The following AMER2 variants were observed in gnomAD, a reference collection of about 807,000 sequenced individuals.
AMER2 encodes the protein family with sequence similarity 123A.
AMER2 carries 1 observed loss-of-function variant against 4.7 expected under a neutral mutation model. The ratio of observed to expected loss-of-function variants is 0.21; its 90% CI spans 0.07 to 1.00. The LOEUF (loss-of-function observed/expected upper bound fraction) is 1.00. AMER2 is among the 50% of genes least tolerant of loss of function. The probability of loss-of-function intolerance (pLI) is 0.60; values close to 1 mark genes in which losing one functional copy is unlikely to be tolerated. For missense variants in AMER2, 988 were observed against 966.9 expected (o/e 1.02, Z -0.29); for synonymous variants, 485 against 433.3 (o/e 1.12, Z -1.48).
rs746051605 is a variant in AMER2, at chr13:25,170,226, T to G, written c.1394A>C (p.Glu465Ala). Residue 465 changes from glutamate (E) to alanine (A), a missense_variant, in exon 1 of 1, where the codon GAA (glutamate) becomes GCA (alanine). Transcript: ENST00000515384. The surrounding 1 kb of genome is among the most constrained non-coding windows in gnomAD (Gnocchi z 7.3). ...GGGGGTCTCGGGCACCACCTTGGTT[T>G]CCAGCGCAGCTGCCACCTTAGCCGC... ...EGAAKVAAAL[E>A]TKVVPETPKD... 1 of 1,612,488 alleles carries G rather than the reference T, an allele frequency of 6.2e-7. No homozygotes were observed. The highest frequency in any genetic ancestry group is 8.5e-7 in the Non-Finnish European group (1 of 1,179,212).
In AMER2 at chr13:25,170,945, G is replaced by T. The variant is rs866334746; in HGVS notation, c.675C>A (p.Ile225=). The change falls in exon 1 of 1, where the codon ATC becomes ATA. Residue 225 remains isoleucine, a synonymous_variant. Transcript: ENST00000515384. This position sits in a 1 kb window ranked among gnomAD's most constrained non-coding sequence, Gnocchi z 7.3. ...GGCTGGCGGTGAGCGAGCCGGGTAG[G>T]ATCAAGCCGCCCCCGGGCGCGCGCC... ...AEGRAPGGGL[I]LPGSLTASLE... is the part of the protein sequence containing the mutation. 1 of 1,529,084 alleles carries T rather than the reference G, an allele frequency of 6.5e-7. No individual in the cohort carries two copies. Among genetic ancestry groups the T allele is most frequent in the Middle Eastern group, 1.8e-4 (1 of 5,472 alleles). The allele number at this position is 1,529,084 out of a possible 1,614,324, so 94.7% of individuals were successfully genotyped here.
At position 25,168,327 on chromosome 13, in the gene AMER2, T is replaced by C. The variant is rs1386249271; in HGVS notation, c.*1277A>G. The C allele has an allele frequency of 6.6e-6, 1 of 152,164 alleles. No individual in the cohort carries two copies. Among genetic ancestry groups the C allele is most frequent in the Non-Finnish European group, 1.5e-5 (1 of 68,024 alleles). 9.4% of individuals were successfully genotyped at this position (152,164 alleles called of 1,614,324 possible). ...ATAAGTCTATAAAGCAAAAGGCAAA[T>C]GATGTGAAAAACTGTATCTTTCTAT... On this transcript the variant is annotated 3_prime_UTR_variant, in exon 1 of 1. Transcript: ENST00000515384.
At position 25,162,684 on chromosome 13, in the gene AMER2, G is replaced by A. The variant is rs1956422730; in HGVS notation, c.*6920C>T. ...GTATTTCTGCCTTAGTTTGTTAAAT[G>A]ATTCAGGTCTGAGAGTATCTGAGAA... On this transcript the variant is annotated 3_prime_UTR_variant, in exon 1 of 1. Transcript: ENST00000515384. 2 of 152,210 alleles carry A rather than the reference G, an allele frequency of 1.3e-5. No homozygotes were observed. Among genetic ancestry groups the A allele is most frequent in the Non-Finnish European group, 2.9e-5 (2 of 68,036 alleles). The allele number at this position is 152,210 out of a possible 1,614,324, so 9.4% of individuals were successfully genotyped here.
At position 25,169,841 on chromosome 13, in the gene AMER2, G is replaced by A. The variant is rs1453884793; in HGVS notation, c.1779C>T (p.Thr593=). 8 of 1,614,028 alleles carry A rather than the reference G, an allele frequency of 5.0e-6. No individual in the cohort carries two copies. Among genetic ancestry groups the A allele is most frequent in the Non-Finnish European group, 6.8e-6 (8 of 1,180,000 alleles). ...AGCTGCCTGGTGTTCGCAGTGGACAGGTGATGGTGCCTGGAGATACGGGCT... is the reference window on the plus strand; with the variant it reads ...AGCTGCCTGGTGTTCGCAGTGGACAAGTGATGGTGCCTGGAGATACGGGCT... ...RLKPVSPGTI[T]CPLRTPGSLL... The change falls in exon 1 of 1, where the codon ACC becomes ACT. Residue 593 remains threonine (T), a synonymous_variant. Coordinates refer to ENST00000515384, the MANE Select transcript of AMER2 (RefSeq NM_152704.4). This position sits in a 1 kb window ranked among gnomAD's most constrained non-coding sequence, Gnocchi z 4.2.
Position 25,170,781 on chromosome 13 carries a change from C to T in AMER2, c.839G>A (p.Ser280Asn). ...CGCGAGGCCCTCTGCCTCTCGGCAGCTCCGCGCTGGGGCGCGGTCGGCGGG... is the reference window on the plus strand; with the variant it reads ...CGCGAGGCCCTCTGCCTCTCGGCAGTTCCGCGCTGGGGCGCGGTCGGCGGG... ...PAPADRAPAR[S>N]CREAEGLAHP... Residue 280 changes from serine to asparagine, a missense_variant, in exon 1 of 1, where the codon AGC becomes AAC. Transcript: ENST00000515384. This position sits in a 1 kb window ranked among gnomAD's most constrained non-coding sequence, Gnocchi z 7.3. 2.9e-6 allele frequency: 4 copies of T among 1,370,040 alleles called. No homozygotes were observed. The highest frequency in any genetic ancestry group is 1.9e-6 in the Non-Finnish European group (2 of 1,070,888). 84.9% of individuals were successfully genotyped at this position (1,370,040 alleles called of 1,614,324 possible).
Position 25,169,829 on chromosome 13 carries a change from T to C in AMER2, c.1791A>G (p.Arg597=). The change falls in exon 1 of 1, where the codon CGA becomes CGG. Residue 597 remains arginine, a synonymous_variant. Coordinates refer to ENST00000515384, the MANE Select transcript of AMER2 (RefSeq NM_152704.4). This position sits in a 1 kb window ranked among gnomAD's most constrained non-coding sequence, Gnocchi z 4.2. The stretch of plus-strand genomic sequence containing the variant: ...AGTCCTTCAGCAAGCTGCCTGGTGT[T>C]CGCAGTGGACAGGTGATGGTGCCTG... ...VSPGTITCPL[R]TPGSLLKDSK... is the part of the protein sequence containing the mutation. The C allele has an allele frequency of 6.2e-7, 1 of 1,614,124 alleles. No homozygotes were observed.
chr13:25,170,499 C>A lies in AMER2; in HGVS notation c.1121G>T (p.Ser374Ile), dbSNP rs748931960. 1.9e-6 allele frequency: 3 copies of A among 1,614,204 alleles called. No homozygotes were observed. In the East Asian group the frequency reaches 6.7e-5, roughly 36 times the overall value. ...TCCACAGCCTGTAAGAGAGTCAAAG[C>A]TTTTCAGTGAAGTCACGTCAGAAAA... Reference protein sequence around the residue: ...LMFSDVTSLKSFDSLTGCGDI... With the variant: ...LMFSDVTSLKIFDSLTGCGDI... Residue 374 changes from serine (S) to isoleucine (I), a missense_variant, in exon 1 of 1, where the codon AGC becomes ATC. Transcript: ENST00000515384. The surrounding 1 kb of genome is among the most constrained non-coding windows in gnomAD (Gnocchi z 7.3).
At position 25,170,145 on chromosome 13, in the gene AMER2, C is replaced by T; in HGVS notation, c.1475G>A (p.Arg492Lys). ...GGGCTCGATGGGAATCCGGTTGAGC[C>T]TCCTGCGCTTGACCGAGGACGCGTC... Reference protein sequence around the residue: ...AKDASSVKRRRLNRIPIEPHP... With the variant: ...AKDASSVKRRKLNRIPIEPHP... Residue 492 changes from arginine to lysine, a missense_variant, in exon 1 of 1, where the codon AGG (arginine) becomes AAG (lysine). Physicochemically the swap from Arg to Lys is conservative, Grantham distance 26. Coordinates refer to ENST00000515384, the MANE Select transcript of AMER2 (RefSeq NM_152704.4). This position sits in a 1 kb window ranked among gnomAD's most constrained non-coding sequence, Gnocchi z 7.3. 1 of 1,614,042 alleles carries T rather than the reference C, an allele frequency of 6.2e-7. No homozygotes were observed. Among genetic ancestry groups the T allele is most frequent in the Non-Finnish European group, 8.5e-7 (1 of 1,180,012 alleles).
At position 25,169,872 on chromosome 13, in the gene AMER2, C is replaced by T. The variant is rs756833733; in HGVS notation, c.1748G>A (p.Arg583Gln). 11 of 1,613,998 alleles carry T rather than the reference C, an allele frequency of 6.8e-6. No individual in the cohort carries two copies. Among genetic ancestry groups the T allele is most frequent in the African/African-American group, 6.7e-5 (5 of 74,920 alleles). The change falls in exon 1 of 1, where the codon CGG becomes CAG. Residue 583 changes from arginine to glutamine, a missense_variant. Physicochemically the swap from Arg to Gln is conservative, Grantham distance 43 (BLOSUM62 1). Coordinates refer to ENST00000515384, the MANE Select transcript of AMER2 (RefSeq NM_152704.4). The surrounding 1 kb of genome is among the most constrained non-coding windows in gnomAD (Gnocchi z 4.2). ...GGTGCCTGGAGATACGGGCTTTAAC[C>T]GGGACAGGGAGGACGTCTCCTCGTT... is the stretch of plus-strand genomic sequence containing the variant. ...KDNEETSSLS[R>Q]LKPVSPGTIT...
chr13:25,170,797 G>T lies in AMER2; in HGVS notation c.823C>A (p.Arg275Ser). ...TCTCGGCAGCTCCGCGCTGGGGCGC[G>T]GTCGGCGGGGGCGGGCACCTCCTCT... is the stretch of plus-strand genomic sequence containing the variant. ...GGEEVPAPADRAPARSCREAE... is the reference protein window; with the variant it reads ...GGEEVPAPADSAPARSCREAE... The change falls in exon 1 of 1, where the codon CGC becomes AGC. Residue 275 changes from arginine to serine, a missense_variant. Physicochemically the swap from Arg to Ser is moderately radical, Grantham distance 110 (BLOSUM62 -1). Coordinates refer to ENST00000515384, the MANE Select transcript of AMER2 (RefSeq NM_152704.4). This position sits in a 1 kb window ranked among gnomAD's most constrained non-coding sequence, Gnocchi z 7.3. 1 of 1,367,964 alleles carries T rather than the reference G, an allele frequency of 7.3e-7. No individual in the cohort carries two copies. The highest frequency in any genetic ancestry group is 9.3e-7 in the Non-Finnish European group (1 of 1,069,820). The allele number at this position is 1,367,964 out of a possible 1,614,324, so 84.7% of individuals were successfully genotyped here. A position where few individuals can be genotyped will look rare whatever the true frequency, so the allele number is the denominator to read the frequency against.
At position 25,170,919 on chromosome 13, in the gene AMER2, A is replaced by G. The variant is rs755364015; in HGVS notation, c.701T>C (p.Leu234Pro). ...LILPGSLTAS[L>P]ECVKEETPRA... The stretch of plus-strand genomic sequence containing the variant: ...GGGCGTCTCCTCCTTGACGCACTCC[A>G]GGCTGGCGGTGAGCGAGCCGGGTAG... Residue 234 changes from leucine to proline, a missense_variant, in exon 1 of 1, where the codon CTG becomes CCG. Coordinates refer to ENST00000515384, the MANE Select transcript of AMER2 (RefSeq NM_152704.4). This position sits in a 1 kb window ranked among gnomAD's most constrained non-coding sequence, Gnocchi z 7.3. 2.0e-6 allele frequency: 3 copies of G among 1,479,126 alleles called. No individual in the cohort carries two copies. Among genetic ancestry groups the G allele is most frequent in the Non-Finnish European group, 2.7e-6 (3 of 1,120,970 alleles). The allele number at this position is 1,479,126 out of a possible 1,614,324, so 91.6% of individuals were successfully genotyped here.
rs1956422396 is a variant in AMER2 at position 25,162,651 on chromosome 13, T to C, written c.*6953A>G. 1 of 152,252 alleles carries C rather than the reference T, an allele frequency of 6.6e-6. No homozygotes were observed. The highest frequency in any genetic ancestry group is 2.1e-4 in the South Asian group (1 of 4,834). 9.4% of individuals were successfully genotyped at this position (152,252 alleles called of 1,614,324 possible). On this transcript the variant is annotated 3_prime_UTR_variant, in exon 1 of 1. Transcript: ENST00000515384. ...CATGCCCCTATGTTATTGAACCAGA[T>C]ATTTTTAGTATTTCTGCCTTAGTTT...
Position 25,171,087 on chromosome 13 carries a change from C to G in AMER2, c.533G>C (p.Gly178Ala). The G allele has an allele frequency of 6.4e-7, 1 of 1,568,060 alleles. No individual in the cohort carries two copies. Among genetic ancestry groups the G allele is most frequent in the Non-Finnish European group, 8.6e-7 (1 of 1,158,396 alleles). The change falls in exon 1 of 1, where the codon GGA (glycine) becomes GCA (alanine). Residue 178 changes from glycine (G) to alanine (A), a missense_variant. Coordinates refer to ENST00000515384, the MANE Select transcript of AMER2 (RefSeq NM_152704.4). The surrounding 1 kb of genome is among the most constrained non-coding windows in gnomAD (Gnocchi z 5.9). Reference protein sequence around the residue: ...KKNGRSENGKGEPVDASKAGG... With the variant: ...KKNGRSENGKAEPVDASKAGG... Reference sequence around the variant, plus strand: ...GGCCTTGCTCGCGTCCACAGGCTCTCCCTTGCCGTTTTCCGAGCGCCCGTT... The same window carrying G: ...GGCCTTGCTCGCGTCCACAGGCTCTGCCTTGCCGTTTTCCGAGCGCCCGTT...
rs1383520618 is a variant in AMER2 at position 25,162,116 on chromosome 13, C to A, written c.*7488G>T. The A allele has an allele frequency of 6.6e-6, 1 of 152,166 alleles. No homozygotes were observed. Among genetic ancestry groups the A allele is most frequent in the African/African-American group, 2.4e-5 (1 of 41,430 alleles). 9.4% of individuals were successfully genotyped at this position (152,166 alleles called of 1,614,324 possible). On this transcript the variant is annotated 3_prime_UTR_variant, in exon 1 of 1. Transcript: ENST00000515384. Reference sequence around the variant, plus strand: ...AAAATAACATCTATAAACCTACTAACAATTTTCCTCCTGTGCACAAAAATA... The same window carrying A: ...AAAATAACATCTATAAACCTACTAAAAATTTTCCTCCTGTGCACAAAAATA...
At position 25,165,734 on chromosome 13, in the gene AMER2, G is replaced by A. The variant is rs1232702846; in HGVS notation, c.*3870C>T. On this transcript the variant is annotated 3_prime_UTR_variant, in exon 1 of 1. Transcript: ENST00000515384. ...AACAATGAAGGGGAGCAAAGCATAC[G>A]TGAATGTACTGGAACAGGTCTCAGC... 5.3e-5 allele frequency: 8 copies of A among 152,246 alleles called. No individual in the cohort carries two copies. The highest frequency in any genetic ancestry group is 2.6e-4 in the Admixed American group (4 of 15,288). 9.4% of individuals were successfully genotyped at this position (152,246 alleles called of 1,614,324 possible).
In AMER2 at chr13:25,165,736, G is replaced by A. The variant is rs1478575304; in HGVS notation, c.*3868C>T. 1.3e-5 allele frequency: 2 copies of A among 152,256 alleles called. No homozygotes were observed. Among genetic ancestry groups the A allele is most frequent in the African/African-American group, 4.8e-5 (2 of 41,474 alleles). 9.4% of individuals were successfully genotyped at this position (152,256 alleles called of 1,614,324 possible). A position where few individuals can be genotyped will look rare whatever the true frequency, so the allele number is the denominator to read the frequency against. On this transcript the variant is annotated 3_prime_UTR_variant, in exon 1 of 1. Coordinates refer to ENST00000515384, the MANE Select transcript of AMER2 (RefSeq NM_152704.4). ...CAATGAAGGGGAGCAAAGCATACGTGAATGTACTGGAACAGGTCTCAGCAG... is the reference window on the plus strand; with the variant it reads ...CAATGAAGGGGAGCAAAGCATACGTAAATGTACTGGAACAGGTCTCAGCAG...
rs202188692 is a variant in AMER2 at position 25,171,257 on chromosome 13, C to T, written c.363G>A (p.Glu121=). The change falls in exon 1 of 1, where the codon GAG becomes GAA. Residue 121 remains glutamate (E), a synonymous_variant. Coordinates refer to ENST00000515384, the MANE Select transcript of AMER2 (RefSeq NM_152704.4). This position sits in a 1 kb window ranked among gnomAD's most constrained non-coding sequence, Gnocchi z 5.9. ...CGCTGTCGCCCCCGCCGCGCGGCTC[C>T]TCCTTCCTGCCGCTCTCCAGCACCA... ...EVLVLESGRK[E]EPRGGGDSGG... 4 of 1,469,940 alleles carry T rather than the reference C, an allele frequency of 2.7e-6. No homozygotes were observed. The African/African-American group carries it at 5.9e-5, about 22-fold the overall frequency. The allele number at this position is 1,469,940 out of a possible 1,614,324, so 91.1% of individuals were successfully genotyped here. A position where few individuals can be genotyped will look rare whatever the true frequency, so the allele number is the denominator to read the frequency against.
chr13:25,165,319 C>T lies in AMER2; in HGVS notation c.*4285G>A, dbSNP rs572911562. ...AAGATGAGGTCTCACAATCAATGGC[C>T]GCCTGTGAGGAGCCACACTTACACG... On this transcript the variant is annotated 3_prime_UTR_variant, in exon 1 of 1. Transcript: ENST00000515384. 6.6e-6 allele frequency: 1 copy of T among 152,364 alleles called. No individual in the cohort carries two copies. The highest frequency in any genetic ancestry group is 1.9e-4 in the East Asian group (1 of 5,180). 9.4% of individuals were successfully genotyped at this position (152,364 alleles called of 1,614,324 possible).
Position 25,167,900 on chromosome 13 carries a change from A to T in AMER2, c.*1704T>A, listed in dbSNP as rs1956498179. 1 of 152,226 alleles carries T rather than the reference A, an allele frequency of 6.6e-6. No individual in the cohort carries two copies. The highest frequency in any genetic ancestry group is 2.1e-4 in the South Asian group (1 of 4,834). 9.4% of individuals were successfully genotyped at this position (152,226 alleles called of 1,614,324 possible). On this transcript the variant is annotated 3_prime_UTR_variant, in exon 1 of 1. Coordinates refer to ENST00000515384, the MANE Select transcript of AMER2 (RefSeq NM_152704.4). ...TATGAAACAGAAAACAAACTTAAAA[A>T]GCATGTAATAACAGTTCATTACTAA...
Sources: gnomAD v4.1 joint callset for allele counts on GRCh38, gnomAD v4.1.1 for gene constraint, Gnocchi (gnomAD v3.1) non-coding constraint, MANE v1.5 for transcripts, NCBI Gene and HGNC (gene_info 2026-07-23, HGNC 2026-07-21) for gene names.